Variants in DLG2 observed in about 807,000 individuals in gnomAD.
DLG2 encodes the protein disks large homolog 2.
DLG2 carries 45 observed loss-of-function variants against 132.5 expected under a neutral mutation model. The ratio of observed to expected loss-of-function variants is 0.34; its 90% CI spans 0.27 to 0.44. The LOEUF is 0.44. Among genes scored for constraint, DLG2 ranks in the 20% least tolerant of loss-of-function variants. The probability of loss-of-function intolerance (pLI) is 1.00; values close to 1 mark genes in which losing one functional copy is unlikely to be tolerated. For synonymous variants in DLG2, 424 were observed against 419.6 expected (o/e 1.01, Z -0.13); for missense variants, 1,045 against 1,196.9 (o/e 0.87, Z 1.87).
At chr11:85,263,126 A>C (rs751101662) in intron 4 of DLG2, among the ~76,000 whole-genome samples, 1 of 152,204 alleles carries the variant, frequency 6.6e-6, no homozygotes, top group African/African-American at 2.4e-5. Context: ...AGGGCATCCC[A>C]TCTATTGGAA....
intron 3 of DLG2, among the ~76,000 whole-genome samples, chr11:85,437,285 C>T (rs944687441): frequency 6.7e-6 from 1 of 149,994 alleles, no homozygotes. Context: ...CCTGCATGTT[C>T]TGCTCATGTA....
chr11:84,534,549 C>G (rs376095639), intron 7 of DLG2, 21 bp downstream of exon 7: 3 of 1,609,868 alleles, frequency 1.9e-6, no homozygotes, highest in Non-Finnish European at 2.6e-6. Flanking sequence ...ACTATAAAGT[C>G]GGAAGAGCAA....
At chr11:84,869,897 G>C (rs904943184) in intron 6 of DLG2, among the ~76,000 whole-genome samples, 1 of 152,182 alleles carries the variant, frequency 6.6e-6, no homozygotes, top group Non-Finnish European at 1.5e-5. Flanking sequence ...GAATACTTAA[G>C]AGTATTTTGG....
chr11:84,957,280 T>A (rs1177718147), intron 6 of DLG2, among the ~76,000 whole-genome samples: 1 of 152,252 alleles, frequency 6.6e-6, no homozygotes, highest in Non-Finnish European at 1.5e-5. Context: ...TCAGTATATT[T>A]TGCTGTATCA....
At chr11:83,735,790 C>G (rs1438769256) in intron 18 of DLG2, among the ~76,000 whole-genome samples, 1 of 152,184 alleles carries the variant, frequency 6.6e-6, no homozygotes, top group Admixed American at 6.5e-5. Context: ...TTCACCCTTT[C>G]TAAGTGAACT....
At chr11:83,465,225 A>G (rs2090800515) in intron 26 of DLG2, among the ~76,000 whole-genome samples, 1 of 152,040 alleles carries the variant, frequency 6.6e-6, no homozygotes, top group Admixed American at 6.6e-5. Flanking sequence ...TTTTTTATAT[A>G]TGGGACTATA....
At chr11:84,574,062 A>C (rs2099492548) in intron 6 of DLG2, among the ~76,000 whole-genome samples, 2 of 152,186 alleles carry the variant, frequency 1.3e-5, no homozygotes, top group Non-Finnish European at 2.9e-5. Flanking sequence ...ATCAGTAGTG[A>C]CAGAACTGAG....
At chr11:85,542,678 T>C (rs1257894080) in intron 3 of DLG2, among the ~76,000 whole-genome samples, 1 of 152,226 alleles carries the variant, frequency 6.6e-6, no homozygotes, top group Non-Finnish European at 1.5e-5. Flanking sequence ...TCTATTATTC[T>C]ATGATTCTTC....
At chr11:85,005,283 T>A (rs1007585734) in intron 6 of DLG2, among the ~76,000 whole-genome samples, 1 of 152,234 alleles carries the variant, frequency 6.6e-6, no homozygotes, top group Non-Finnish European at 1.5e-5. Flanking sequence ...GATAGCTTGA[T>A]GGGGATAGCA....
intron 3 of DLG2, among the ~76,000 whole-genome samples, chr11:85,417,648 C>T (rs2089975668): frequency 6.6e-6 from 1 of 152,130 alleles, no homozygotes; most frequent in African/African-American, 2.4e-5. Flanking sequence ...TTCAGGGATT[C>T]AACTTCTTCT....
intron 3 of DLG2, among the ~76,000 whole-genome samples, chr11:85,292,010 T>C (rs1316314149): frequency 6.6e-6 from 1 of 152,180 alleles, no homozygotes; most frequent in East Asian, 1.9e-4. Flanking sequence ...CTGGACAGTA[T>C]AGCACAGGTG....
At position 84,928,156 on chromosome 11, in the gene DLG2, G is replaced by A. The variant is rs935739025; in HGVS notation, c.357+183505C>T. Among the ~76,000 whole-genome samples the A allele has an allele frequency of 8.6e-5, 13 of 151,974 alleles. No individual in the cohort carries two copies. In the South Asian group the frequency reaches 2.1e-3, roughly 24 times the overall value. On this transcript the variant is annotated intron_variant, in intron 6 of 27. Transcript: ENST00000376104. ...GTAAATGAGATAATTTTAGAGTGGA[G>A]GCTAAAGATTCTGAGATGGATGCCA...
At position 83,458,159 on chromosome 11, in the gene DLG2, T is replaced by A. The variant is rs1334486436; in HGVS notation, c.*1659A>T. On this transcript the variant is annotated 3_prime_UTR_variant, in exon 28 of 28. Coordinates refer to ENST00000376104, the MANE Select transcript of DLG2 (RefSeq NM_001142699.3). ...TACCCCAGAAATAAGGCGATGGGGCTTAGTCTGGGCATGCACAGAACCCAG... is the reference window on the plus strand; with the variant it reads ...TACCCCAGAAATAAGGCGATGGGGCATAGTCTGGGCATGCACAGAACCCAG... The A allele has an allele frequency of 6.6e-6, 1 of 152,578 alleles. No individual in the cohort carries two copies. Among genetic ancestry groups the A allele is most frequent in the Non-Finnish European group, 1.5e-5 (1 of 68,030 alleles). 9.5% of individuals were successfully genotyped at this position (152,578 alleles called of 1,614,324 possible).
intron 8 of DLG2, among the ~76,000 whole-genome samples, chr11:84,206,695 A>G (rs11820404): frequency 1.3e-5 from 2 of 152,136 alleles, no homozygotes; most frequent in South Asian, 2.1e-4. Context: ...CTTTATACCT[A>G]TTTGTGATAA....
chr11:83,634,569 T>C (rs7932166), intron 18 of DLG2, among the ~76,000 whole-genome samples: 1 of 152,178 alleles, frequency 6.6e-6, no homozygotes, highest in Non-Finnish European at 1.5e-5. Flanking sequence ...TATATCAGTA[T>C]ATTTCAGAAA....
intron 3 of DLG2, among the ~76,000 whole-genome samples, chr11:85,507,040 A>T (rs114657631): frequency 0.035 from 5,326 of 151,826 alleles, 298 homozygotes; most frequent in African/African-American, 0.12. Context: ...TAACCCCTGC[A>T]TTTTTTGTTT....
At chr11:84,073,847 C>A (rs2096789237) in intron 10 of DLG2, among the ~76,000 whole-genome samples, 1 of 152,154 alleles carries the variant, frequency 6.6e-6, no homozygotes, top group Non-Finnish European at 1.5e-5. Context: ...ACAGGTGTGT[C>A]ATAAGCCCCC....
Position 83,473,604 on chromosome 11 carries a change from A to AT in DLG2, c.2294-828dup, listed in dbSNP as rs528640415. 7.7e-4 allele frequency among the ~76,000 whole-genome samples: 116 copies of AT among 150,964 alleles called. No homozygotes were observed. In the East Asian group the frequency reaches 0.011, roughly 14 times the overall value. The stretch of plus-strand genomic sequence containing the variant: ...CACCTGCAAACCCGGAAGTGTCTGC[A>AT]TTTTTTTTTGCATTGACTAACCTTT... On this transcript the variant is annotated intron_variant, in intron 22 of 27. Coordinates refer to ENST00000376104, the MANE Select transcript of DLG2 (RefSeq NM_001142699.3).
intron 6 of DLG2, among the ~76,000 whole-genome samples, chr11:84,830,853 C>T (rs866256138): frequency 1.3e-5 from 2 of 151,330 alleles, no homozygotes; most frequent in Admixed American, 6.6e-5. Context: ...TTAAAAATTA[C>T]CTCTCTTAAT....
Sources: gnomAD v4.1 joint callset for allele counts (sites outside exome capture counted in the v4.1 genomes callset) on GRCh38, gnomAD v4.1.1 for gene constraint, MANE v1.5 for transcripts, NCBI Gene and HGNC (gene_info 2026-07-23, HGNC 2026-07-21) for gene names.